Variants in CCBE1 observed in about 807,000 individuals in gnomAD.
CCBE1 encodes collagen and calcium binding EGF domains 1.
In CCBE1, 37 loss-of-function variants were observed where a neutral mutation model predicts 50.0. That is an observed-to-expected ratio of 0.74 (90% CI 0.57 to 0.97). The LOEUF (loss-of-function observed/expected upper bound fraction) is 0.97, where lower values mean the gene tolerates loss of function less well. Among genes scored for constraint, CCBE1 ranks in the 50% least tolerant of loss-of-function variants. The pLI, the probability that CCBE1 is intolerant of heterozygous loss-of-function variation, is 0.00. For synonymous variants in CCBE1, 234 were observed against 203.7 expected (o/e 1.15, Z -1.27); for missense variants, 538 against 523.8 (o/e 1.03, Z -0.26).
Position 59,438,122 on chromosome 18 carries a change from T to C in CCBE1, c.976A>G (p.Arg326Gly), listed in dbSNP as rs1910243716. ...SKGERGAPGP[R>G]GSPGPPGSFD... ...AGAGTGCTACTTACTGGAGACCCTC[T>C]GGGCCCAGGCGCTCCTCTCTCCCCC... The change falls in exon 10 of 11, where the codon AGA becomes GGA. Residue 326 changes from arginine (R) to glycine (G), a missense_variant. Physicochemically the swap from Arg to Gly is moderately radical, Grantham distance 125. Transcript: ENST00000439986. 1 of 1,614,094 alleles carries C rather than the reference T, an allele frequency of 6.2e-7. No individual in the cohort carries two copies. Among genetic ancestry groups the C allele is most frequent in the Non-Finnish European group, 8.5e-7 (1 of 1,180,002 alleles).
intron 2 of CCBE1, among the ~76,000 whole-genome samples, chr18:59,612,330 G>GAAAAAAAAAA (rs5825351): frequency 1.2e-4 from 16 of 130,662 alleles, no homozygotes; most frequent in East Asian, 8.7e-4. Flanking sequence ...AGAAAAAAAA[G>GAAAAAAAAAA]AAAAAAAAAA....
At chr18:59,535,736 G>A (rs1456343007) in intron 2 of CCBE1, among the ~76,000 whole-genome samples, 3 of 152,028 alleles carry the variant, frequency 2.0e-5, no homozygotes, top group African/African-American at 7.2e-5. Context: ...ACAAGAATAG[G>A]TACAGTCATG....
intron 2 of CCBE1, among the ~76,000 whole-genome samples, chr18:59,491,836 A>AAACAAATAAACAAACG (rs1189019561): frequency 1.2e-5 from 1 of 86,334 alleles, no homozygotes; most frequent in Admixed American, 1.2e-4. Flanking sequence ...ACAAACAAAC[A>AAACAAATAAACAAACG]AAAAAAAACG....
chr18:59,604,733 G>T (rs555378732), intron 2 of CCBE1, among the ~76,000 whole-genome samples: 1 of 152,342 alleles, frequency 6.6e-6, no homozygotes, highest in South Asian at 2.1e-4. Flanking sequence ...GGATAATTTT[G>T]AGATACATTA....
chr18:59,451,340 C>G (rs55752609), intron 6 of CCBE1, among the ~76,000 whole-genome samples: 29,132 of 151,450 alleles, frequency 0.19, 2,957 homozygotes, highest in East Asian at 0.31. Context: ...TGAGTGCCAG[C>G]CCTCTCCTTC....
chr18:59,542,635 G>T (rs1218211491), intron 2 of CCBE1, among the ~76,000 whole-genome samples: 2 of 152,180 alleles, frequency 1.3e-5, no homozygotes, highest in Admixed American at 6.5e-5. Context: ...CTGTTTTAAA[G>T]AATTTATATA....
Position 59,586,465 on chromosome 18 carries a change from C to T in CCBE1, c.213-106227G>A, listed in dbSNP as rs372691201. Among the ~76,000 whole-genome samples, 7 of 152,328 alleles carry T rather than the reference C, an allele frequency of 4.6e-5. No individual in the cohort carries two copies. In the East Asian group the frequency reaches 7.7e-4, roughly 17 times the overall value. ...CCCCACTGTGTTTAGCTTCAACAAGCATGCTTTGGGACACAACCAGAACTA... is the reference window on the plus strand; with the variant it reads ...CCCCACTGTGTTTAGCTTCAACAAGTATGCTTTGGGACACAACCAGAACTA... On this transcript the variant is annotated intron_variant, in intron 2 of 10. Coordinates refer to ENST00000439986, the MANE Select transcript of CCBE1 (RefSeq NM_133459.4).
At chr18:59,661,751 T>G (rs1433010559) in intron 2 of CCBE1, among the ~76,000 whole-genome samples, 2 of 152,170 alleles carry the variant, frequency 1.3e-5, no homozygotes, top group Non-Finnish European at 2.9e-5. Flanking sequence ...GAGGATGACT[T>G]GAGGCCAGGA....
intron 4 of CCBE1, among the ~76,000 whole-genome samples, chr18:59,468,641 A>G (rs1244233880): frequency 6.6e-6 from 1 of 151,646 alleles, no homozygotes; most frequent in African/African-American, 2.4e-5. Flanking sequence ...AGCCCCTGCT[A>G]GGATAGAGAA....
intron 2 of CCBE1, among the ~76,000 whole-genome samples, chr18:59,582,711 GC>G (rs1302644274): frequency 6.6e-6 from 1 of 152,158 alleles, no homozygotes; most frequent in African/African-American, 2.4e-5. Context: ...TATCTACCCT[GC>G]TCCCAAACTC....
At chr18:59,601,018 T>TG (rs1196605484) in intron 2 of CCBE1, among the ~76,000 whole-genome samples, 1 of 49,306 alleles carries the variant, frequency 2.0e-5, no homozygotes, top group Non-Finnish European at 3.8e-5. Context: ...CAGTTTTTTT[T>TG]TTTTTTTTTT....
At chr18:59,681,069 A>T (rs2054583659) in intron 2 of CCBE1, among the ~76,000 whole-genome samples, 1 of 151,570 alleles carries the variant, frequency 6.6e-6, no homozygotes, top group African/African-American at 2.4e-5. Context: ...AAAAAAAAGG[A>T]AAGCTGTTTG....
chr18:59,508,138 G>A (rs1018412394), intron 2 of CCBE1, among the ~76,000 whole-genome samples: 2 of 151,726 alleles, frequency 1.3e-5, no homozygotes, highest in Non-Finnish European at 2.9e-5. Context: ...TGATCCGCCC[G>A]CCTCGGCCTC....
intron 7 of CCBE1, among the ~76,000 whole-genome samples, chr18:59,442,720 T>C (rs1041726077): frequency 3.3e-5 from 5 of 152,010 alleles, no homozygotes; most frequent in Non-Finnish European, 7.4e-5. Context: ...AGAATGAGAC[T>C]CCATCTCAAA....
intron 7 of CCBE1, among the ~76,000 whole-genome samples, chr18:59,447,094 C>T (rs576735113): frequency 8.6e-5 from 13 of 151,974 alleles, no homozygotes; most frequent in South Asian, 2.1e-4. Flanking sequence ...ATAGGATGTT[C>T]GGGATTTTCA....
rs2288598 is a variant in CCBE1, at chr18:59,696,685, G to A, written c.156C>T (p.Ile52=). 1.0e-3 allele frequency: 1,634 copies of A among 1,614,028 alleles called. 22 individuals are homozygous for A. In the East Asian group the frequency reaches 0.019, roughly 18 times the overall value. The change falls in exon 2 of 11, where the codon ATC becomes ATT. Residue 52 remains isoleucine, a synonymous_variant. Coordinates refer to ENST00000439986, the MANE Select transcript of CCBE1 (RefSeq NM_133459.4). The stretch of plus-strand genomic sequence containing the variant: ...TCAGACACGGGTATTTAGTCGTCGC[G>A]ATTTTGCTCTCTGAGCAGATTTCTC... ...GDREICSESK[I]ATTKYPCLKS... is the part of the protein sequence containing the mutation.
rs183553315 is a variant in CCBE1, at chr18:59,471,182, T to C, written c.266-1575A>G. Among the ~76,000 whole-genome samples, 21 of 152,350 alleles carry C rather than the reference T, an allele frequency of 1.4e-4. No individual in the cohort carries two copies. The East Asian group carries it at 3.3e-3, about 24-fold the overall frequency. On this transcript the variant is annotated intron_variant, in intron 3 of 10. Transcript: ENST00000439986. ...AGAGAGGCTGTCGAAGTGTTTGAGT[T>C]GATCATGGTGCCTAACAAGGCAGTT...
intron 2 of CCBE1, among the ~76,000 whole-genome samples, chr18:59,484,446 T>C (rs181274210): frequency 6.6e-5 from 10 of 152,390 alleles, no homozygotes; most frequent in Admixed American, 6.5e-4. Flanking sequence ...CAAATCAATA[T>C]GATCCCTTAC....
At chr18:59,566,182 A>G (rs764998529) in intron 2 of CCBE1, among the ~76,000 whole-genome samples, 9 of 152,246 alleles carry the variant, frequency 5.9e-5, no homozygotes, top group Non-Finnish European at 1.3e-4. Flanking sequence ...TGGTTTCCAC[A>G]TCATTCTACC....
Sources: allele counts gnomAD v4.1 joint callset (sites outside exome capture counted in the v4.1 genomes callset), GRCh38; gene constraint gnomAD v4.1.1; transcripts MANE v1.5; gene names NCBI Gene and HGNC (gene_info 2026-07-23, HGNC 2026-07-21).